The following XKR4 variants were observed in gnomAD, a reference collection of about 807,000 sequenced individuals.
XKR4 encodes the protein XK related 4, also known as XK-related protein 4.
In XKR4, 12 loss-of-function variants were observed where a neutral mutation model predicts 53.9. The ratio of observed to expected loss-of-function variants is 0.22; its 90% CI spans 0.14 to 0.36. The LOEUF is 0.36. XKR4 is among the 10% of genes least tolerant of loss of function. The probability of loss-of-function intolerance (pLI) is 1.00; values close to 1 mark genes in which losing one functional copy is unlikely to be tolerated. For missense variants in XKR4, 799 were observed against 859.5 expected, an observed-to-expected ratio of 0.93 and a Z score of 0.88; for synonymous variants, 354 against 362.4, an observed-to-expected ratio of 0.98 and a Z score of 0.26.
intron 1 of XKR4, among the ~76,000 whole-genome samples, chr8:55,197,768 C>T (rs189465108): frequency 2.5e-4 from 38 of 152,272 alleles, no homozygotes; most frequent in Admixed American, 2.2e-3. Context: ...TGGTCTTGAT[C>T]TCCTGACCTC....
At position 55,530,206 on chromosome 8, in the gene XKR4, A is replaced by G. The variant is rs1014973561; in HGVS notation, c.*5979A>G. The G allele has an allele frequency of 7.6e-6, 1 of 131,408 alleles. No homozygotes were observed. Among genetic ancestry groups the G allele is most frequent in the African/African-American group, 2.8e-5 (1 of 35,696 alleles). The allele number at this position is 131,408 out of a possible 1,614,324, so 8.1% of individuals were successfully genotyped here. ...AAGGAAGGAAGGAAGGAAGGAAGGAAGGAGATTTAACAAGTCTTTGAAGTG... is the reference window on the plus strand; with the variant it reads ...AAGGAAGGAAGGAAGGAAGGAAGGAGGGAGATTTAACAAGTCTTTGAAGTG... On this transcript the variant is annotated 3_prime_UTR_variant, in exon 3 of 3. Transcript: ENST00000327381.
At chr8:55,213,044 C>T (rs1198128388) in intron 1 of XKR4, among the ~76,000 whole-genome samples, 1 of 152,170 alleles carries the variant, frequency 6.6e-6, no homozygotes, top group South Asian at 2.1e-4. Context: ...TCAGGACACT[C>T]GTAAGTCTGG....
intron 2 of XKR4, among the ~76,000 whole-genome samples, chr8:55,394,074 A>G (rs1311971661): frequency 6.6e-6 from 1 of 152,198 alleles, no homozygotes; most frequent in Non-Finnish European, 1.5e-5. Flanking sequence ...AACAAAAATA[A>G]TCTCTCAATT....
At chr8:55,460,069 A>G (rs890600626) in intron 2 of XKR4, among the ~76,000 whole-genome samples, 1 of 152,096 alleles carries the variant, frequency 6.6e-6, no homozygotes, top group African/African-American at 2.4e-5. Flanking sequence ...AATATAGTAT[A>G]TTTATACAAC....
At chr8:55,326,952 C>A (rs1266776742) in intron 1 of XKR4, among the ~76,000 whole-genome samples, 1 of 152,038 alleles carries the variant, frequency 6.6e-6, no homozygotes, top group South Asian at 2.1e-4. Context: ...TTTTGAGGGA[C>A]AATGAGGAAA....
intron 1 of XKR4, among the ~76,000 whole-genome samples, chr8:55,166,190 C>T (rs1817063158): frequency 6.6e-6 from 1 of 152,134 alleles, no homozygotes; most frequent in South Asian, 2.1e-4. Flanking sequence ...TAAAAAATTG[C>T]TCAATTCAAC....
chr8:55,181,173 G>A (rs1817304897), intron 1 of XKR4, among the ~76,000 whole-genome samples: 1 of 152,054 alleles, frequency 6.6e-6, no homozygotes, highest in African/African-American at 2.4e-5. Flanking sequence ...TGTTGTTTTG[G>A]TACTTAAGCT....
intron 1 of XKR4, among the ~76,000 whole-genome samples, chr8:55,120,156 A>T (rs146795799): frequency 1.7e-3 from 262 of 152,298 alleles, no homozygotes; most frequent in African/African-American, 5.8e-3. Context: ...ATTCCTGGTA[A>T]TGGAGCCTGC....
chr8:55,119,002 T>G (rs1217847323), intron 1 of XKR4, among the ~76,000 whole-genome samples: 1 of 152,022 alleles, frequency 6.6e-6, no homozygotes, highest in Non-Finnish European at 1.5e-5. Flanking sequence ...GTTATATAGG[T>G]TAGGATGTGT....
At chr8:55,347,759 C>A (rs1803669551) in intron 1 of XKR4, among the ~76,000 whole-genome samples, 1 of 152,182 alleles carries the variant, frequency 6.6e-6, no homozygotes, top group Admixed American at 6.5e-5. Flanking sequence ...ATGCTCATGG[C>A]ATATTTCATC....
intron 1 of XKR4, among the ~76,000 whole-genome samples, chr8:55,219,429 T>C (rs1206521414): frequency 6.6e-6 from 1 of 152,092 alleles, no homozygotes; most frequent in Admixed American, 6.5e-5. Context: ...CATGGCAGGT[T>C]GGGGTGGGGC....
Position 55,528,382 on chromosome 8 carries a change from T to C in XKR4, c.*4155T>C, listed in dbSNP as rs1317273337. 3.3e-5 allele frequency: 5 copies of C among 152,252 alleles called. No homozygotes were observed. The highest frequency in any genetic ancestry group is 1.2e-4 in the African/African-American group (5 of 41,474). The allele number at this position is 152,252 out of a possible 1,614,324, so 9.4% of individuals were successfully genotyped here. On this transcript the variant is annotated 3_prime_UTR_variant, in exon 3 of 3. Transcript: ENST00000327381. ...ACCTCTTCTGTCCTTACCAGGATTG[T>C]GTAAGGTTACACATTTGCTTTTAAA...
intron 2 of XKR4, among the ~76,000 whole-genome samples, chr8:55,471,283 G>T (rs978971919): frequency 3.3e-5 from 5 of 152,072 alleles, no homozygotes; most frequent in Non-Finnish European, 5.9e-5. Flanking sequence ...AAAGTAAAGA[G>T]ACTATTACCT....
chr8:55,418,612 A>T (rs1020502882), intron 2 of XKR4, among the ~76,000 whole-genome samples: 3 of 152,144 alleles, frequency 2.0e-5, no homozygotes, highest in Non-Finnish European at 4.4e-5. Context: ...TTTTCAACAC[A>T]GCAGCCCAAA....
At chr8:55,128,085 G>T (rs1192043656) in intron 1 of XKR4, among the ~76,000 whole-genome samples, 2 of 151,902 alleles carry the variant, frequency 1.3e-5, no homozygotes, top group Non-Finnish European at 2.9e-5. Context: ...TAATCCCTTG[G>T]GTATATACCC....
At chr8:55,464,494 T>C (rs951855564) in intron 2 of XKR4, among the ~76,000 whole-genome samples, 16 of 152,216 alleles carry the variant, frequency 1.1e-4, no homozygotes, top group Non-Finnish European at 2.2e-4. Flanking sequence ...ATAAGAGCTA[T>C]CTATGACAAA....
At chr8:55,350,451 T>C (rs1177629876) in intron 1 of XKR4, among the ~76,000 whole-genome samples, 1 of 152,186 alleles carries the variant, frequency 6.6e-6, no homozygotes. Context: ...AATTCAGGCA[T>C]TTTAAAACTC....
chr8:55,392,926 T>C (rs1245803037), intron 2 of XKR4, among the ~76,000 whole-genome samples: 11 of 152,156 alleles, frequency 7.2e-5, no homozygotes, highest in Non-Finnish European at 1.5e-4. Context: ...AGTTAAGAAG[T>C]AAGCATTTAT....
At chr8:55,378,068 T>C (rs1228972980) in intron 2 of XKR4, among the ~76,000 whole-genome samples, 1 of 152,238 alleles carries the variant, frequency 6.6e-6, no homozygotes, top group Non-Finnish European at 1.5e-5. Flanking sequence ...CAAATGTTTT[T>C]GTTTGTCCCC....
Sources: allele counts gnomAD v4.1 joint callset (sites outside exome capture counted in the v4.1 genomes callset), GRCh38; gene constraint gnomAD v4.1.1; transcripts MANE v1.5; gene names NCBI Gene and HGNC (gene_info 2026-07-23, HGNC 2026-07-21).